MAPRE3: variants seen among roughly 807,000 people sequenced by gnomAD.
MAPRE3 encodes microtubule-associated protein RP/EB family member 3.
MAPRE3 carries 2 observed loss-of-function variants against 30.5 expected under a neutral mutation model. That is an observed-to-expected ratio of 0.07 (90% CI 0.03 to 0.21). MAPRE3 has a LOEUF of 0.21. MAPRE3 is among the 10% of genes least tolerant of loss of function. The pLI is 1.00. For missense variants in MAPRE3, 204 were observed against 351.8 expected, an observed-to-expected ratio of 0.58 and a Z score of 3.36; for synonymous variants, 110 against 127.7, an observed-to-expected ratio of 0.86 and a Z score of 0.93.
At position 27,024,258 on chromosome 2, in the gene MAPRE3, C is replaced by A; in HGVS notation, c.430C>A (p.Gln144Lys). 2 of 1,614,142 alleles carry A rather than the reference C, an allele frequency of 1.2e-6. No homozygotes were observed. Among genetic ancestry groups the A allele is most frequent in the South Asian group, 2.2e-5 (2 of 91,048 alleles). Residue 144 changes from glutamine (Q) to lysine (K), a missense_variant, in exon 4 of 7, where the codon CAG (glutamine) becomes AAG (lysine). Coordinates refer to ENST00000233121, the MANE Select transcript of MAPRE3 (RefSeq NM_012326.4). Reference protein sequence around the residue: ...DVAPPPNPGDQIFNKSKKLIG... With the variant: ...DVAPPPNPGDKIFNKSKKLIG... ...AGCGCCACCTCCTAACCCAGGTGATCAGATCTTCAACAAATCCAAGAAACT... is the reference window on the plus strand; with the variant it reads ...AGCGCCACCTCCTAACCCAGGTGATAAGATCTTCAACAAATCCAAGAAACT...
chr2:26,984,694 A>G (rs143523981), intron 1 of MAPRE3: 29 of 152,362 alleles, frequency 1.9e-4, no homozygotes, highest in African/African-American at 6.3e-4. Flanking sequence ...CCATACAGAA[A>G]GCTCGTTGCC....
intron 1 of MAPRE3, among the ~76,000 whole-genome samples, chr2:26,998,891 C>A (rs1450243255): frequency 6.6e-6 from 1 of 152,182 alleles, no homozygotes. Context: ...GATACAAATG[C>A]AGAACCTAGT....
At chr2:26,972,172 G>A (rs554998037) in intron 1 of MAPRE3, among the ~76,000 whole-genome samples, 1 of 152,130 alleles carries the variant, frequency 6.6e-6, no homozygotes, top group Admixed American at 6.5e-5. Flanking sequence ...TAGAAAGCAC[G>A]TGTAAATATA....
intron 1 of MAPRE3, among the ~76,000 whole-genome samples, chr2:27,006,085 G>A (rs1233284299): frequency 2.0e-5 from 3 of 152,166 alleles, no homozygotes; most frequent in Non-Finnish European, 4.4e-5. Context: ...GGGAGGCTGA[G>A]GCAGGAGAAT....
In MAPRE3 at chr2:26,970,759, C is replaced by G. The variant is rs1005909619; in HGVS notation, c.-51C>G. The stretch of plus-strand genomic sequence containing the variant: ...GCCTCTGCCGCAGCGCCCCCGCCAC[C>G]TGTCCCCTCCCCCTCCGCCTCCGCC... On this transcript the variant is annotated 5_prime_UTR_variant, in exon 1 of 7. Transcript: ENST00000233121. The G allele has an allele frequency of 6.5e-6, 1 of 152,818 alleles. No homozygotes were observed. The highest frequency in any genetic ancestry group is 1.5e-5 in the Non-Finnish European group (1 of 68,474). 9.5% of individuals were successfully genotyped at this position (152,818 alleles called of 1,614,324 possible). A position where few individuals can be genotyped will look rare whatever the true frequency, so the allele number is the denominator to read the frequency against.
chr2:26,996,840 A>G (rs1666473230), intron 1 of MAPRE3: 1 of 152,154 alleles, frequency 6.6e-6, no homozygotes, highest in African/African-American at 2.4e-5. Flanking sequence ...ATAAATAAAA[A>G]TAAACCCTTC....
At chr2:27,025,077 C>G (rs1198621047) in intron 4 of MAPRE3, among the ~76,000 whole-genome samples, 1 of 152,162 alleles carries the variant, frequency 6.6e-6, no homozygotes, top group African/African-American at 2.4e-5. Context: ...CCTGATTTGG[C>G]CACCACTGTG....
At chr2:27,012,841 G>T (rs1666891577) in intron 1 of MAPRE3, 1 of 152,714 alleles carries the variant, frequency 6.5e-6, no homozygotes, top group African/African-American at 2.4e-5. Flanking sequence ...GTAAAACTGG[G>T]AGGATTTTGG....
At chr2:26,987,683 T>A (rs1666252775) in intron 1 of MAPRE3, among the ~76,000 whole-genome samples, 1 of 152,086 alleles carries the variant, frequency 6.6e-6, no homozygotes, top group Admixed American at 6.6e-5. Flanking sequence ...AGGGGTTGAA[T>A]ACAAAGTTGG....
chr2:27,006,596 A>AT (rs1261451101), intron 1 of MAPRE3, among the ~76,000 whole-genome samples: 5 of 151,806 alleles, frequency 3.3e-5, no homozygotes, highest in African/African-American at 4.8e-5. Flanking sequence ...ACGTCCCACT[A>AT]TTTTTTTTAA....
At chr2:27,005,304 T>C (rs1666700631) in intron 1 of MAPRE3, among the ~76,000 whole-genome samples, 1 of 152,220 alleles carries the variant, frequency 6.6e-6, no homozygotes, top group African/African-American at 2.4e-5. Flanking sequence ...AAGATGATGC[T>C]TCCTAATATC....
chr2:26,975,789 C>T (rs920791419), intron 1 of MAPRE3, among the ~76,000 whole-genome samples: 1 of 152,164 alleles, frequency 6.6e-6, no homozygotes, highest in Non-Finnish European at 1.5e-5. Flanking sequence ...CTTGGAGCCT[C>T]CCATGCCTGG....
At chr2:27,011,323 T>C (rs1333184563) in intron 1 of MAPRE3, among the ~76,000 whole-genome samples, 1 of 152,242 alleles carries the variant, frequency 6.6e-6, no homozygotes, top group Admixed American at 6.5e-5. Context: ...ATCTTTTTCA[T>C]GTGCCTGGAA....
chr2:27,007,400 G>T (rs898591219), intron 1 of MAPRE3, among the ~76,000 whole-genome samples: 11 of 152,218 alleles, frequency 7.2e-5, no homozygotes, highest in Admixed American at 5.2e-4. Flanking sequence ...TTGTGTCTTA[G>T]AAGTAATTGG....
At position 27,024,527 on chromosome 2, in the gene MAPRE3, G is replaced by A. The variant is rs555025688; in HGVS notation, c.469+230G>A. ...GAGAGCCACCAGCACCAGCCATGGT[G>A]GCAACTGGGGTAGGAGGCCCAAGGC... On this transcript the variant is annotated intron_variant, in intron 4 of 6. Coordinates refer to ENST00000233121, the MANE Select transcript of MAPRE3 (RefSeq NM_012326.4). Among the ~76,000 whole-genome samples, 5 of 152,360 alleles carry A rather than the reference G, an allele frequency of 3.3e-5. No individual in the cohort carries two copies. The East Asian group carries it at 9.6e-4, about 29-fold the overall frequency.
chr2:27,023,381 C>T lies in MAPRE3; in HGVS notation c.171C>T (p.His57=), dbSNP rs1261773848. 1 of 1,613,560 alleles carries T rather than the reference C, an allele frequency of 6.2e-7. No individual in the cohort carries two copies. The highest frequency in any genetic ancestry group is 1.1e-5 in the South Asian group (1 of 91,084). Residue 57 remains histidine (H), a synonymous_variant, in exon 3 of 7, where the codon CAC becomes CAT. Transcript: ENST00000233121. ...ACATGCTCTTCCCCGGCTGTGTGCACTTGAGGAAAGTGAAGTTCCAGGCCA... is the reference window on the plus strand; with the variant it reads ...ACATGCTCTTCCCCGGCTGTGTGCATTTGAGGAAAGTGAAGTTCCAGGCCA... ...FMDMLFPGCV[H]LRKVKFQAKL...
chr2:26,977,146 A>G (rs1666028980), intron 1 of MAPRE3, among the ~76,000 whole-genome samples: 1 of 152,224 alleles, frequency 6.6e-6, no homozygotes. Context: ...TGAAAAAGAT[A>G]CTAGAAGAGC....
intron 1 of MAPRE3, among the ~76,000 whole-genome samples, chr2:26,994,227 C>A (rs902758912): frequency 1.3e-5 from 2 of 152,180 alleles, no homozygotes; most frequent in Non-Finnish European, 2.9e-5. Flanking sequence ...AACTGACTTA[C>A]ATTTATTTGC....
intron 1 of MAPRE3, among the ~76,000 whole-genome samples, chr2:26,976,676 G>A (rs76001040): frequency 6.6e-6 from 1 of 152,142 alleles, no homozygotes; most frequent in South Asian, 2.1e-4. Flanking sequence ...ATAAGGACTT[G>A]TCCTATCTAA....
Sources: allele counts gnomAD v4.1 joint callset (sites outside exome capture counted in the v4.1 genomes callset), GRCh38; gene constraint gnomAD v4.1.1; transcripts MANE v1.5; gene names NCBI Gene and HGNC (gene_info 2026-07-23, HGNC 2026-07-21).